WWTR1: variants seen among roughly 807,000 people sequenced by gnomAD.
WWTR1 encodes WW domain-containing transcription regulator protein 1.
WWTR1 carries 13 observed loss-of-function variants against 40.1 expected under a neutral mutation model. That is an observed-to-expected ratio of 0.32 (90% CI 0.21 to 0.52). WWTR1 has a LOEUF of 0.52. Among genes scored for constraint, WWTR1 ranks in the 20% least tolerant of loss-of-function variants. The pLI, the probability that WWTR1 is intolerant of heterozygous loss-of-function variation, is 0.97. For missense variants in WWTR1, 436 were observed against 523.1 expected, an observed-to-expected ratio of 0.83 and a Z score of 1.63; for synonymous variants, 230 against 210.1, an observed-to-expected ratio of 1.09 and a Z score of -0.82.
chr3:149,710,415 C>T (rs1261013247), intron 5 of WWTR1, among the ~76,000 whole-genome samples: 1 of 152,088 alleles, frequency 6.6e-6, no homozygotes, highest in Non-Finnish European at 1.5e-5. Context: ...TTCTGGTTTG[C>T]TATTTACCAG....
intron 1 of WWTR1, among the ~76,000 whole-genome samples, chr3:149,697,984 G>C (rs953461034): frequency 2.6e-5 from 4 of 152,212 alleles, no homozygotes; most frequent in Non-Finnish European, 4.4e-5. Context: ...GCATCCTGAT[G>C]TGAAGGATAG....
intron 1 of WWTR1, among the ~76,000 whole-genome samples, chr3:149,674,711 T>G (rs980652980): frequency 1.3e-5 from 2 of 152,202 alleles, no homozygotes; most frequent in Admixed American, 1.3e-4. Flanking sequence ...GCTTGAAGAT[T>G]GTTCTTTTAG....
At position 149,657,034 on chromosome 3, in the gene WWTR1, G is replaced by A. The variant is rs750408012; in HGVS notation, c.273C>T (p.Pro91=). ...GAQHVRSHSS[P]ASLQLGTGAG... ...CGCCGGTGCCCAGCTGCAGGGACGC[G>A]GGCGACGAGTGCGAGCGGACATGCT... The change falls in exon 2 of 7, where the codon CCC becomes CCT. Residue 91 remains proline, a synonymous_variant. Coordinates refer to ENST00000360632, the MANE Select transcript of WWTR1 (RefSeq NM_015472.6). The A allele has an allele frequency of 4.9e-5, 77 of 1,586,114 alleles. No individual in the cohort carries two copies. The Middle Eastern group carries it at 1.3e-3, about 28-fold the overall frequency.
intron 4 of WWTR1, among the ~76,000 whole-genome samples, chr3:149,723,185 CTTTTTTT>C (rs35573546): frequency 9.8e-6 from 1 of 101,816 alleles, no homozygotes; most frequent in Admixed American, 1.1e-4. Context: ...CTTTTCTTTT[CTTTTTTT>C]TTTTTTTTTT....
intron 5 of WWTR1, among the ~76,000 whole-genome samples, chr3:149,716,833 A>G (rs1022438794): frequency 6.6e-6 from 1 of 152,164 alleles, no homozygotes; most frequent in East Asian, 1.9e-4. Context: ...ATAAGGACAG[A>G]TCTACAGAGA....
Position 149,574,893 on chromosome 3 carries a change from G to A in WWTR1, c.432-1893C>T, listed in dbSNP as rs374754271. Among the ~76,000 whole-genome samples the A allele has an allele frequency of 4.0e-5, 6 of 151,522 alleles. No individual in the cohort carries two copies. In the East Asian group the frequency reaches 7.8e-4, roughly 20 times the overall value. On this transcript the variant is annotated intron_variant, in intron 2 of 6. Coordinates refer to ENST00000360632, the MANE Select transcript of WWTR1 (RefSeq NM_015472.6). ...GTGGATCACCACAGGTCAAGAGTTC[G>A]AGACCAGCCTGGCCAACATGGTGAA...
chr3:149,583,730 A>T (rs1229494920), intron 2 of WWTR1, among the ~76,000 whole-genome samples: 1 of 152,188 alleles, frequency 6.6e-6, no homozygotes, highest in East Asian at 1.9e-4. Flanking sequence ...CTCAGTGATG[A>T]ATTCACGACA....
intron 5 of WWTR1, among the ~76,000 whole-genome samples, chr3:149,710,094 C>T (rs1183050857): frequency 6.6e-6 from 1 of 152,102 alleles, no homozygotes; most frequent in African/African-American, 2.4e-5. Context: ...TCACATAAGA[C>T]TCCCAGTGGC....
At chr3:149,614,218 A>T (rs921239038) in intron 2 of WWTR1, among the ~76,000 whole-genome samples, 4 of 152,214 alleles carry the variant, frequency 2.6e-5, no homozygotes, top group Admixed American at 6.5e-5. Context: ...TGGGCCCATA[A>T]GATCATGATG....
rs1381562038 is a variant in WWTR1, at chr3:149,656,881, G to A, written c.426C>T (p.Phe142=). Residue 142 remains phenylalanine, a synonymous_variant, in exon 2 of 7, where the codon TTC becomes TTT. Transcript: ENST00000360632. ...TCGGCTCCAGGCTGACTTACTTGAG[G>A]AAGTACCTCTGGCCAGTGGCCGTGA... ...MTFTATGQRY[F]LNHIEKITTW... 6.6e-7 allele frequency: 1 copy of A among 1,516,494 alleles called. No individual in the cohort carries two copies. The highest frequency in any genetic ancestry group is 8.8e-7 in the Non-Finnish European group (1 of 1,140,074). 93.9% of individuals were successfully genotyped at this position (1,516,494 alleles called of 1,614,324 possible).
At chr3:149,637,204 G>C (rs1711872747) in intron 2 of WWTR1, among the ~76,000 whole-genome samples, 1 of 149,414 alleles carries the variant, frequency 6.7e-6, no homozygotes, top group Non-Finnish European at 1.5e-5. Flanking sequence ...GTCACATTTT[G>C]ATTATTTTAA....
intron 2 of WWTR1, among the ~76,000 whole-genome samples, chr3:149,635,329 T>G (rs1417890408): frequency 6.6e-6 from 1 of 152,210 alleles, no homozygotes; most frequent in Admixed American, 6.5e-5. Flanking sequence ...ATATTAGGTC[T>G]TTGAGATGAG....
At chr3:149,534,601 A>G (rs1034708202) in intron 4 of WWTR1, among the ~76,000 whole-genome samples, 1 of 152,216 alleles carries the variant, frequency 6.6e-6, no homozygotes, top group African/African-American at 2.4e-5. Context: ...CTAGGAATTC[A>G]CAACCCATCA....
rs892717540 is a variant in WWTR1, at chr3:149,554,136, T to G, written c.569-11599A>C. On this transcript the variant is annotated intron_variant, in intron 3 of 6. Coordinates refer to ENST00000360632, the MANE Select transcript of WWTR1 (RefSeq NM_015472.6). ...AGTATTAAACCGAGAAGTTGTACTA[T>G]CCCAACTTCACACTGAGCCCTTTAT... Among the ~76,000 whole-genome samples, 13 of 152,266 alleles carry G rather than the reference T, an allele frequency of 8.5e-5. 1 individual carries two copies. The highest frequency in any genetic ancestry group is 5.9e-4 in the Admixed American group (9 of 15,294).
rs554425269 is a variant in WWTR1 at position 149,528,922 on chromosome 3, A to C, written c.772-953T>G. Among the ~76,000 whole-genome samples, 3 of 152,358 alleles carry C rather than the reference A, an allele frequency of 2.0e-5. No homozygotes were observed. The South Asian group carries it at 6.2e-4, about 32-fold the overall frequency. Reference sequence around the variant, plus strand: ...TTCATTAGCAGAAACAAATAATACAAGCATTATTTTATAAAAGCTAGCATT... The same window carrying C: ...TTCATTAGCAGAAACAAATAATACACGCATTATTTTATAAAAGCTAGCATT... On this transcript the variant is annotated intron_variant, in intron 4 of 6. Transcript: ENST00000360632.
In WWTR1 at chr3:149,651,992, ATTTTTTTTTT is replaced by A. The variant is rs368845286; in HGVS notation, c.431+4874_431+4883del. On this transcript the variant is annotated intron_variant, in intron 2 of 6. Coordinates refer to ENST00000360632, the MANE Select transcript of WWTR1 (RefSeq NM_015472.6). ...AGGCGCCCGCTGCCACGCCCGGCTA[ATTTTTTTTTT>A]TTTTTTTTTTTTTGTATTTTTTAGT... 3.2e-5 allele frequency among the ~76,000 whole-genome samples: 3 copies of A among 93,704 alleles called. No homozygotes were observed. In the East Asian group the frequency reaches 1.1e-3, roughly 35 times the overall value. 61.5% of individuals were successfully genotyped at this position (93,704 alleles called of 152,430 possible).
chr3:149,612,811 T>C (rs146721926), intron 2 of WWTR1, among the ~76,000 whole-genome samples: 149 of 152,296 alleles, frequency 9.8e-4, no homozygotes, highest in African/African-American at 3.3e-3. Context: ...ACCATGAACA[T>C]CGTCTCCTCT....
intron 2 of WWTR1, among the ~76,000 whole-genome samples, chr3:149,637,167 G>A (rs1027360741): frequency 1.3e-5 from 2 of 151,148 alleles, no homozygotes; most frequent in Non-Finnish European, 2.9e-5. Flanking sequence ...TAATCTAAAA[G>A]CATCAATTTC....
chr3:149,566,068 C>A (rs1737312121), intron 3 of WWTR1, among the ~76,000 whole-genome samples: 2 of 152,028 alleles, frequency 1.3e-5, no homozygotes, highest in Non-Finnish European at 2.9e-5. Context: ...GTGGCTCACA[C>A]CTGTAATCCC....
Sources: allele counts gnomAD v4.1 joint callset (sites outside exome capture counted in the v4.1 genomes callset), GRCh38; gene constraint gnomAD v4.1.1; transcripts MANE v1.5; gene names NCBI Gene and HGNC (gene_info 2026-07-23, HGNC 2026-07-21).